Variants in KHDRBS2 observed in about 807,000 individuals in gnomAD.
The protein encoded by KHDRBS2 is KH domain-containing, RNA-binding, signal transduction-associated protein 2.
Under a neutral mutation model 44.3 loss-of-function variants are expected in KHDRBS2, and 26 were observed. That is an observed-to-expected ratio of 0.59 (90% CI 0.43 to 0.81). The LOEUF (loss-of-function observed/expected upper bound fraction) is 0.81, where lower values mean the gene tolerates loss of function less well. Ranked by LOEUF, KHDRBS2 falls within the 40% of genes least tolerant of loss-of-function variation. KHDRBS2 has a pLI of 0.00. For missense variants in KHDRBS2, 476 were observed against 433.1 expected (o/e 1.10, Z -0.88); for synonymous variants, 194 against 151.1 (o/e 1.28, Z -2.08).
At chr6:61,550,208 C>T in the KHDRBS2 span, among the ~76,000 whole-genome samples, 1 of 152,132 alleles carries the variant, frequency 6.6e-6, no homozygotes, top group Admixed American at 6.6e-5. Flanking sequence ...TCCCACCCTC[C>T]ACCGTCAGGT....
chr6:61,642,747 G>A, the KHDRBS2 span, among the ~76,000 whole-genome samples: 1 of 151,922 alleles, frequency 6.6e-6, no homozygotes, highest in South Asian at 2.1e-4. Context: ...GAGCCTATGT[G>A]CCTACATAAA....
At chr6:61,697,414 G>A (rs1427599614) in intron 7 of KHDRBS2, among the ~76,000 whole-genome samples, 161 bp from the exon 8 acceptor site, 1 of 151,924 alleles carries the variant, frequency 6.6e-6, no homozygotes, top group Admixed American at 6.6e-5. Flanking sequence ...AAAAACACAG[G>A]TTATTGACAA....
chr6:62,141,148 A>G (rs552115962), intron 2 of KHDRBS2, among the ~76,000 whole-genome samples: 59 of 152,344 alleles, frequency 3.9e-4, no homozygotes, highest in South Asian at 1.2e-3. Context: ...CATGAACGTC[A>G]GAATAAACTT....
chr6:62,284,792 T>C (rs1279632808), intron 1 of KHDRBS2, among the ~76,000 whole-genome samples: 2 of 152,146 alleles, frequency 1.3e-5, no homozygotes, highest in Non-Finnish European at 2.9e-5. Flanking sequence ...ATTTAAATCA[T>C]ATATTGAGGA....
At chr6:61,656,751 C>T in the KHDRBS2 span, among the ~76,000 whole-genome samples, 1 of 151,788 alleles carries the variant, frequency 6.6e-6, no homozygotes, top group African/African-American at 2.4e-5. Context: ...GCGCCGGTGC[C>T]AGCACATCAC....
At chr6:61,901,423 G>T in intron 4 of KHDRBS2, 52 bp from the exon 5 acceptor site, 3 of 1,357,938 alleles carry the variant, frequency 2.2e-6, no homozygotes, top group South Asian at 1.5e-5. Context: ...GCCGTTCTCA[G>T]AGTTGGAAAA....
chr6:61,961,340 A>T (rs901065174), intron 4 of KHDRBS2, among the ~76,000 whole-genome samples: 1 of 151,872 alleles, frequency 6.6e-6, no homozygotes, highest in Non-Finnish European at 1.5e-5. Context: ...AGCTTCTTGT[A>T]AGGTGGTTTA....
intron 2 of KHDRBS2, among the ~76,000 whole-genome samples, chr6:62,082,391 A>C (rs1414595116): frequency 6.6e-6 from 1 of 151,632 alleles, no homozygotes. Context: ...AATATTTTGC[A>C]CATTTATGAT....
intron 7 of KHDRBS2, among the ~76,000 whole-genome samples, chr6:61,726,711 G>T (rs1322419252): frequency 6.6e-6 from 1 of 151,928 alleles, no homozygotes; most frequent in Non-Finnish European, 1.5e-5. Flanking sequence ...AGTCCAGCTA[G>T]CAAGGGAAGT....
intron 4 of KHDRBS2, among the ~76,000 whole-genome samples, chr6:61,971,811 A>G (rs1223849515): frequency 2.0e-5 from 3 of 152,124 alleles, no homozygotes; most frequent in African/African-American, 7.2e-5. Context: ...CCTTAAACAC[A>G]TTACTATCCA....
Position 61,784,230 on chromosome 6 carries a change from C to T in KHDRBS2, c.811-51466G>A, listed in dbSNP as rs1351259967. On this transcript the variant is annotated intron_variant, in intron 6 of 8. Coordinates refer to ENST00000281156, the MANE Select transcript of KHDRBS2 (RefSeq NM_152688.4). Reference sequence around the variant, plus strand: ...TTTAGTATTTTAGGAATCATAGACTCATGTTCTGAGGTATAGCTTCTCATT... The same window carrying T: ...TTTAGTATTTTAGGAATCATAGACTTATGTTCTGAGGTATAGCTTCTCATT... 2.6e-5 allele frequency among the ~76,000 whole-genome samples: 4 copies of T among 151,672 alleles called. No individual in the cohort carries two copies. The East Asian group carries it at 5.8e-4, about 22-fold the overall frequency.
Position 61,799,683 on chromosome 6 carries a change from T to C in KHDRBS2, c.811-66919A>G, listed in dbSNP as rs1785950853. Among the ~76,000 whole-genome samples, 7 of 152,134 alleles carry C rather than the reference T, an allele frequency of 4.6e-5. No individual in the cohort carries two copies. The South Asian group carries it at 1.4e-3, about 32-fold the overall frequency. On this transcript the variant is annotated intron_variant, in intron 6 of 8. Transcript: ENST00000281156. Reference sequence around the variant, plus strand: ...TCCATAGTGTTATATATATATAATGTTATATTCATTCAGGGTTAGAATGTA... The same window carrying C: ...TCCATAGTGTTATATATATATAATGCTATATTCATTCAGGGTTAGAATGTA...
chr6:62,183,342 G>A (rs970194246), intron 1 of KHDRBS2, among the ~76,000 whole-genome samples: 31 of 151,654 alleles, frequency 2.0e-4, no homozygotes, highest in Non-Finnish European at 4.3e-4. Context: ...CAAAATTTAT[G>A]TAAATTTAAA....
intron 6 of KHDRBS2, among the ~76,000 whole-genome samples, chr6:61,858,145 A>G (rs1384080517): frequency 6.6e-6 from 1 of 151,902 alleles, no homozygotes; most frequent in Non-Finnish European, 1.5e-5. Context: ...ATACAACCAA[A>G]TGAGCACCTC....
At chr6:61,547,138 G>A in the KHDRBS2 span, among the ~76,000 whole-genome samples, 1 of 152,076 alleles carries the variant, frequency 6.6e-6, no homozygotes, top group Non-Finnish European at 1.5e-5. Flanking sequence ...CAGATATAGA[G>A]AGAATGTGCA....
intron 1 of KHDRBS2, among the ~76,000 whole-genome samples, chr6:62,199,512 G>A (rs904738304): frequency 1.3e-5 from 2 of 152,016 alleles, no homozygotes; most frequent in Non-Finnish European, 2.9e-5. Context: ...AAATACCTAG[G>A]AATCCAACTT....
At chr6:62,065,851 T>C (rs969534208) in intron 2 of KHDRBS2, among the ~76,000 whole-genome samples, 8 of 151,744 alleles carry the variant, frequency 5.3e-5, no homozygotes, top group African/African-American at 1.7e-4. Context: ...ATAAAAATGA[T>C]TCAACATGAA....
chr6:62,209,554 G>T (rs1160805733), intron 1 of KHDRBS2, among the ~76,000 whole-genome samples: 1 of 152,030 alleles, frequency 6.6e-6, no homozygotes, highest in Admixed American at 6.6e-5. Flanking sequence ...GAACTAATAT[G>T]CCCTATGTGA....
chr6:62,204,610 G>C, intron 1 of KHDRBS2, among the ~76,000 whole-genome samples: 1 of 152,188 alleles, frequency 6.6e-6, no homozygotes. Flanking sequence ...TTTCAGATTT[G>C]GGATGCCCAA....
Sources: gnomAD v4.1 joint callset for allele counts (sites outside exome capture counted in the v4.1 genomes callset) on GRCh38, gnomAD v4.1.1 for gene constraint, MANE v1.5 for transcripts, NCBI Gene and HGNC (gene_info 2026-07-23, HGNC 2026-07-21) for gene names.